Variants in RGL1 observed in about 807,000 individuals in gnomAD.
The protein encoded by RGL1 is ral guanine nucleotide dissociation stimulator like 1.
In RGL1, 24 loss-of-function variants were observed where a neutral mutation model predicts 95.2. The observed-to-expected ratio is 0.25, with a 90% confidence interval of 0.18 to 0.35. The LOEUF (loss-of-function observed/expected upper bound fraction) is 0.35. Among genes scored for constraint, RGL1 ranks in the 10% least tolerant of loss-of-function variants. The pLI is 1.00. For synonymous variants in RGL1, 329 were observed against 344.9 expected, an observed-to-expected ratio of 0.95 and a Z score of 0.51; for missense variants, 715 against 936.3, an observed-to-expected ratio of 0.76 and a Z score of 3.08.
Position 183,747,372 on chromosome 1 carries a change from A to G in RGL1, c.132+5083A>G, listed in dbSNP as rs1363670202. Among the ~76,000 whole-genome samples the G allele has an allele frequency of 1.2e-4, 18 of 152,034 alleles. 1 individual carries two copies. The highest frequency in any genetic ancestry group is 4.6e-4 in the Admixed American group (7 of 15,262). ...TCTAACTGGTGTGAGATGGTATCTC[A>G]TTGTATACAATGACCCCTGATGATG... On this transcript the variant is annotated intron_variant, in intron 2 of 18. Transcript: ENST00000304685.
chr1:183,774,604 T>C (rs1246133446), intron 2 of RGL1, among the ~76,000 whole-genome samples: 1 of 143,612 alleles, frequency 7.0e-6, no homozygotes, highest in Non-Finnish European at 1.5e-5. Flanking sequence ...TGAGATGGAG[T>C]CTTGCTGTGT....
At chr1:183,838,465 G>A (rs1459682377) in intron 2 of RGL1, among the ~76,000 whole-genome samples, 1 of 152,142 alleles carries the variant, frequency 6.6e-6, no homozygotes, top group Non-Finnish European at 1.5e-5. Context: ...GAGGATGAAG[G>A]ATATTCATCA....
intron 2 of RGL1, among the ~76,000 whole-genome samples, chr1:183,743,771 C>T (rs1220271053): frequency 8.6e-6 from 1 of 116,952 alleles, no homozygotes; most frequent in Non-Finnish European, 2.0e-5. Flanking sequence ...AGGATGGAAT[C>T]ATAACAAGTG....
chr1:183,899,124 G>C (rs1041528267), intron 10 of RGL1, among the ~76,000 whole-genome samples: 3 of 152,192 alleles, frequency 2.0e-5, no homozygotes, highest in African/African-American at 7.2e-5. Flanking sequence ...TCTGGAATAA[G>C]TTTAGATTTA....
At chr1:183,870,165 G>T (rs1263035739) in intron 4 of RGL1, among the ~76,000 whole-genome samples, 8 of 152,068 alleles carry the variant, frequency 5.3e-5, no homozygotes, top group Non-Finnish European at 1.2e-4. Context: ...AATGACATCA[G>T]CCCCAAGTGA....
intron 1 of RGL1, among the ~76,000 whole-genome samples, chr1:183,703,813 C>T (rs1202900931): frequency 6.6e-6 from 1 of 152,048 alleles, no homozygotes; most frequent in East Asian, 1.9e-4. Flanking sequence ...CTGGAGGGAG[C>T]CCTGGGGTGA....
intron 1 of RGL1, among the ~76,000 whole-genome samples, chr1:183,725,977 G>A (rs1308379332): frequency 2.6e-5 from 4 of 151,856 alleles, no homozygotes; most frequent in Non-Finnish European, 5.9e-5. Flanking sequence ...TGACTACAAG[G>A]GAATAAATTA....
At chr1:183,896,348 G>T (rs1053215847) in intron 9 of RGL1, among the ~76,000 whole-genome samples, 1 of 152,236 alleles carries the variant, frequency 6.6e-6, no homozygotes, top group African/African-American at 2.4e-5. Context: ...GCCATGTCCA[G>T]TATAGGCTAT....
chr1:183,731,017 A>G (rs4087609), intron 1 of RGL1, among the ~76,000 whole-genome samples: 71,069 of 151,960 alleles, frequency 0.47, 17,482 homozygotes, highest in East Asian at 0.8. Context: ...TAAGTTTTGC[A>G]AGTGTATAAG....
intron 2 of RGL1, among the ~76,000 whole-genome samples, chr1:183,841,181 T>C (rs904284247): frequency 1.3e-5 from 2 of 152,154 alleles, no homozygotes; most frequent in African/African-American, 4.8e-5. Context: ...AATAAGTAGA[T>C]GAATAAATGG....
chr1:183,657,783 T>C (rs979246689), intron 1 of RGL1, among the ~76,000 whole-genome samples: 2 of 151,686 alleles, frequency 1.3e-5, no homozygotes, highest in Non-Finnish European at 2.9e-5. Flanking sequence ...CAGCATGATT[T>C]ATAGTCCTTT....
intron 10 of RGL1, among the ~76,000 whole-genome samples, chr1:183,899,833 C>T (rs1414357446): frequency 6.6e-6 from 1 of 152,158 alleles, no homozygotes; most frequent in Non-Finnish European, 1.5e-5. Flanking sequence ...AGGAATGTCC[C>T]CATGCTCTGA....
chr1:183,789,378 A>T (rs973530407), intron 2 of RGL1, among the ~76,000 whole-genome samples: 3 of 152,184 alleles, frequency 2.0e-5, no homozygotes, highest in Non-Finnish European at 4.4e-5. Flanking sequence ...CGAACCCGGG[A>T]GGTGGAGGTT....
At chr1:183,896,159 A>T (rs1397783868) in intron 9 of RGL1, among the ~76,000 whole-genome samples, 1 of 152,200 alleles carries the variant, frequency 6.6e-6, no homozygotes, top group Non-Finnish European at 1.5e-5. Flanking sequence ...ACTCTAAGCA[A>T]ATTCTCAAGA....
intron 1 of RGL1, among the ~76,000 whole-genome samples, chr1:183,674,735 C>T (rs1181092785): frequency 6.6e-6 from 1 of 152,116 alleles, no homozygotes; most frequent in East Asian, 1.9e-4. Flanking sequence ...CATTATGTAC[C>T]GGTAGTGAGC....
chr1:183,874,635 G>A (rs1291977331), intron 4 of RGL1, among the ~76,000 whole-genome samples: 8 of 151,218 alleles, frequency 5.3e-5, no homozygotes, highest in South Asian at 2.1e-4. Context: ...TCTCTTTCAC[G>A]TCTCCTCCTA....
intron 17 of RGL1, among the ~76,000 whole-genome samples, chr1:183,924,529 C>T (rs1434250415): frequency 2.6e-5 from 4 of 151,938 alleles, no homozygotes; most frequent in African/African-American, 9.7e-5. Flanking sequence ...ATGTAGATGG[C>T]GGGTTGATGG....
At chr1:183,667,637 G>A (rs1386691571) in intron 1 of RGL1, among the ~76,000 whole-genome samples, 1 of 152,022 alleles carries the variant, frequency 6.6e-6, no homozygotes, top group East Asian at 1.9e-4. Flanking sequence ...GATCATTGAT[G>A]TTTAAAGAAA....
chr1:183,873,890 G>A (rs1204365202), intron 4 of RGL1, among the ~76,000 whole-genome samples: 2 of 152,182 alleles, frequency 1.3e-5, no homozygotes, highest in Non-Finnish European at 2.9e-5. Context: ...AGGAGAACCT[G>A]CTTCCTGTTC....
Sources: gnomAD v4.1 joint callset for allele counts (sites outside exome capture counted in the v4.1 genomes callset) on GRCh38, gnomAD v4.1.1 for gene constraint, MANE v1.5 for transcripts, NCBI Gene and HGNC (gene_info 2026-07-23, HGNC 2026-07-21) for gene names.